VSX2: variants seen among roughly 807,000 people sequenced by gnomAD.
VSX2 encodes ceh-10 homeo domain containing homolog.
In VSX2, 28 loss-of-function variants were observed where a neutral mutation model predicts 32.1. The ratio of observed to expected loss-of-function variants is 0.87; its 90% CI spans 0.65 to 1.20. The LOEUF is 1.20. Ranked by LOEUF, VSX2 falls within the 50% of genes most tolerant of loss-of-function variation. VSX2 has a pLI of 0.00. For synonymous variants in VSX2, 243 were observed against 214.1 expected (o/e 1.14, Z -1.18); for missense variants, 506 against 488.7 (o/e 1.04, Z -0.33).
intron 4 of VSX2, 85 bp from the exon 5 acceptor site, chr14:74,260,509 G>A (rs1056374830): frequency 2.1e-5 from 28 of 1,325,042 alleles, no homozygotes; most frequent in Non-Finnish European, 2.9e-5. Flanking sequence ...CCTTAATTCT[G>A]GCCTCTCTCT....
chr14:74,243,683 C>CATA (rs1380060028), intron 2 of VSX2, among the ~76,000 whole-genome samples: 1 of 152,048 alleles, frequency 6.6e-6, no homozygotes, highest in Non-Finnish European at 1.5e-5. Flanking sequence ...TTCGTGTGTG[C>CATA]ATAAGCATTT....
intron 3 of VSX2, among the ~76,000 whole-genome samples, chr14:74,255,444 C>T (rs2079257276): frequency 6.6e-6 from 1 of 152,208 alleles, no homozygotes; most frequent in South Asian, 2.1e-4. Flanking sequence ...ATTCCAGGAG[C>T]CCATAACTGA....
chr14:74,248,334 T>TAAAAAAAAAAAAAAAAAAAA, intron 3 of VSX2, among the ~76,000 whole-genome samples: 1 of 84,748 alleles, frequency 1.2e-5, no homozygotes, highest in East Asian at 6.6e-4. Flanking sequence ...GAGACCAGGC[T>TAAAAAAAAAAAAAAAAAAAA]AAAAAAAAAA....
intron 2 of VSX2, among the ~76,000 whole-genome samples, chr14:74,241,986 A>G (rs2079153152): frequency 6.6e-6 from 1 of 152,102 alleles, no homozygotes; most frequent in South Asian, 2.1e-4. Flanking sequence ...TTAAATGGAA[A>G]TTACTTGCAC....
At chr14:74,248,994 C>G (rs1238659459) in intron 3 of VSX2, among the ~76,000 whole-genome samples, 3 of 152,154 alleles carry the variant, frequency 2.0e-5, no homozygotes, top group Non-Finnish European at 1.5e-5. Context: ...AGCATACACC[C>G]CTGCTGGGCC....
chr14:74,254,239 G>C (rs2079247939), intron 3 of VSX2, among the ~76,000 whole-genome samples: 1 of 152,078 alleles, frequency 6.6e-6, no homozygotes, highest in Admixed American at 6.6e-5. Context: ...GTGAAACCCT[G>C]ACTCTACTAA....
At chr14:74,251,096 C>CT (rs1288452604) in intron 3 of VSX2, among the ~76,000 whole-genome samples, 1 of 151,954 alleles carries the variant, frequency 6.6e-6, no homozygotes, top group Non-Finnish European at 1.5e-5. Context: ...GGGTGGATCA[C>CT]TTGAGGTCAG....
chr14:74,248,334 T>TAAAAAAA (rs781035795), intron 3 of VSX2, among the ~76,000 whole-genome samples: 11 of 84,716 alleles, frequency 1.3e-4, no homozygotes, highest in South Asian at 4.8e-4. Flanking sequence ...GAGACCAGGC[T>TAAAAAAA]AAAAAAAAAA....
chr14:74,244,929 T>TGTGTGTGTGG (rs1555387789), intron 2 of VSX2, among the ~76,000 whole-genome samples: 1 of 38,850 alleles, frequency 2.6e-5, no homozygotes, highest in Admixed American at 2.8e-4. Context: ...TGTGTGTGTG[T>TGTGTGTGTGG]GAAAGAGAGA....
chr14:74,258,491 C>G (rs1476810504), intron 3 of VSX2, among the ~76,000 whole-genome samples: 1 of 152,104 alleles, frequency 6.6e-6, no homozygotes, highest in Non-Finnish European at 1.5e-5. Context: ...TCGGTCCTCC[C>G]CTCCCGACTC....
In VSX2 at chr14:74,239,832, C is replaced by A; in HGVS notation, c.271C>A (p.Pro91Thr). 2.5e-6 allele frequency: 4 copies of A among 1,576,902 alleles called. No homozygotes were observed. The highest frequency in any genetic ancestry group is 1.8e-5 in the Admixed American group (1 of 54,330). Residue 91 changes from proline (P) to threonine (T), a missense_variant, in exon 1 of 5, where the codon CCC (proline) becomes ACC (threonine). Transcript: ENST00000261980. The part of the protein sequence containing the change: ...PGGLPGFYTQ[P>T]TFLEVLSDPQ... ...GGGGCTCCCTGGCTTCTACACGCAG[C>A]CCACCTTCCTGGAAGTGCTGTCCGA...
chr14:74,242,795 G>C (rs2079159441), intron 2 of VSX2, among the ~76,000 whole-genome samples: 1 of 152,130 alleles, frequency 6.6e-6, no homozygotes, highest in Non-Finnish European at 1.5e-5. Context: ...GCTGGTGCCA[G>C]GAGGGGTGGG....
intron 3 of VSX2, among the ~76,000 whole-genome samples, chr14:74,259,214 G>C (rs1374240174): frequency 6.6e-6 from 1 of 152,230 alleles, no homozygotes; most frequent in East Asian, 1.9e-4. Flanking sequence ...CTAGTCCAGT[G>C]CTGGGAAAGG....
At chr14:74,244,130 A>C (rs1222927515) in intron 2 of VSX2, among the ~76,000 whole-genome samples, 1 of 152,218 alleles carries the variant, frequency 6.6e-6, no homozygotes, top group Non-Finnish European at 1.5e-5. Flanking sequence ...GAATCCCCTA[A>C]TGTTGGAGGC....
intron 3 of VSX2, among the ~76,000 whole-genome samples, chr14:74,259,090 C>G (rs1437297026): frequency 1.3e-5 from 2 of 152,128 alleles, no homozygotes; most frequent in Non-Finnish European, 2.9e-5. Context: ...GGGTGAAGTG[C>G]CCCTAAGACT....
At chr14:74,245,922 C>T (rs1185973490) in intron 3 of VSX2, among the ~76,000 whole-genome samples, 1 of 152,182 alleles carries the variant, frequency 6.6e-6, no homozygotes, top group Non-Finnish European at 1.5e-5. Context: ...CTCACTAAGC[C>T]CTCCTCCTCT....
chr14:74,245,131 T>C, intron 2 of VSX2, 34 bp from the exon 3 acceptor site: 1 of 1,613,046 alleles, frequency 6.2e-7, no homozygotes, highest in Non-Finnish European at 8.5e-7. Context: ...TTTTAGTTTC[T>C]GGGGTCCTGA....
At chr14:74,250,869 G>A (rs2079223750) in intron 3 of VSX2, among the ~76,000 whole-genome samples, 1 of 151,550 alleles carries the variant, frequency 6.6e-6, no homozygotes, top group Non-Finnish European at 1.5e-5. Context: ...GGATAGTCTC[G>A]ATCTCTTGAC....
chr14:74,244,244 A>C (rs919584964), intron 2 of VSX2, among the ~76,000 whole-genome samples: 1 of 152,226 alleles, frequency 6.6e-6, no homozygotes, highest in Non-Finnish European at 1.5e-5. Flanking sequence ...AAATAGATCC[A>C]TATGAACTGC....
Sources: allele counts gnomAD v4.1 joint callset (sites outside exome capture counted in the v4.1 genomes callset), GRCh38; gene constraint gnomAD v4.1.1; transcripts MANE v1.5; gene names NCBI Gene and HGNC (gene_info 2026-07-23, HGNC 2026-07-21).